Variants in EXOC4 observed in about 807,000 individuals in gnomAD.
The protein encoded by EXOC4 is SEC8-like 1.
Under a neutral mutation model 107.2 loss-of-function variants are expected in EXOC4, and 71 were observed. That is an observed-to-expected ratio of 0.66 (90% CI 0.55 to 0.81). The LOEUF (loss-of-function observed/expected upper bound fraction) is 0.81. EXOC4 is among the 30% of genes least tolerant of loss of function. The pLI is 0.00. For missense variants in EXOC4, 1,108 were observed against 1,189.6 expected (o/e 0.93, Z 1.01); for synonymous variants, 456 against 441.2 (o/e 1.03, Z -0.42).
chr7:133,347,472 G>A (rs1445814841), intron 5 of EXOC4, among the ~76,000 whole-genome samples: 2 of 152,110 alleles, frequency 1.3e-5, no homozygotes, highest in Admixed American at 1.3e-4. Flanking sequence ...TCGATCTCTT[G>A]ACCTCTTGAT....
At chr7:133,807,628 C>T (rs913566289) in intron 10 of EXOC4, among the ~76,000 whole-genome samples, 13 of 151,876 alleles carry the variant, frequency 8.6e-5, no homozygotes, top group African/African-American at 2.4e-4. Context: ...GGGTATTTAC[C>T]GTAAGATAAA....
intron 2 of EXOC4, among the ~76,000 whole-genome samples, chr7:133,280,260 G>T (rs1158087475): frequency 1.3e-5 from 2 of 152,212 alleles, no homozygotes; most frequent in Non-Finnish European, 2.9e-5. Flanking sequence ...ACTTTTGAAT[G>T]CATTGTACAA....
intron 10 of EXOC4, among the ~76,000 whole-genome samples, chr7:133,810,467 G>T (rs1797194769): frequency 6.6e-6 from 1 of 152,124 alleles, no homozygotes; most frequent in Admixed American, 6.5e-5. Context: ...CTGCAAGAAA[G>T]TAAATTCAAC....
At chr7:133,508,212 A>G (rs912667484) in intron 9 of EXOC4, among the ~76,000 whole-genome samples, 1 of 152,210 alleles carries the variant, frequency 6.6e-6, no homozygotes, top group Non-Finnish European at 1.5e-5. Flanking sequence ...AATGAAAGAA[A>G]TGAAATATGA....
At chr7:133,585,530 G>A (rs1449622315) in intron 9 of EXOC4, among the ~76,000 whole-genome samples, 2 of 152,000 alleles carry the variant, frequency 1.3e-5, no homozygotes. Flanking sequence ...GGAAGGCTGG[G>A]TGGAAGGATC....
intron 7 of EXOC4, among the ~76,000 whole-genome samples, chr7:133,461,007 G>C (rs940282432): frequency 6.6e-6 from 1 of 152,110 alleles, no homozygotes; most frequent in African/African-American, 2.4e-5. Flanking sequence ...GGTCCTCTAG[G>C]AATTTAAAAG....
At chr7:134,083,547 G>T in the EXOC4 span, among the ~76,000 whole-genome samples, 4 of 152,266 alleles carry the variant, frequency 2.6e-5, no homozygotes, top group Admixed American at 2.6e-4. Context: ...TGCTACCTGG[G>T]CCAGTCTGGA....
chr7:133,783,498 A>G (rs936588356), intron 10 of EXOC4, among the ~76,000 whole-genome samples: 1 of 152,202 alleles, frequency 6.6e-6, no homozygotes, highest in African/African-American at 2.4e-5. Flanking sequence ...CAATGAATTT[A>G]ATATGATTCC....
At chr7:133,811,063 T>C (rs1797217216) in intron 10 of EXOC4, among the ~76,000 whole-genome samples, 1 of 152,180 alleles carries the variant, frequency 6.6e-6, no homozygotes, top group African/African-American at 2.4e-5. Flanking sequence ...CAAAATCCTG[T>C]GATGAGACGC....
At chr7:133,864,298 G>A (rs1379959102) in intron 11 of EXOC4, among the ~76,000 whole-genome samples, 1 of 152,130 alleles carries the variant, frequency 6.6e-6, no homozygotes, top group Non-Finnish European at 1.5e-5. Flanking sequence ...CTTCTATTTG[G>A]TAGAGAGGAA....
intron 13 of EXOC4, among the ~76,000 whole-genome samples, chr7:133,933,834 G>C (rs1243525616): frequency 2.0e-5 from 3 of 152,178 alleles, no homozygotes; most frequent in African/African-American, 4.8e-5. Context: ...GTGCCCATTT[G>C]AAAGTTCTCT....
the EXOC4 span, among the ~76,000 whole-genome samples, chr7:134,074,264 C>T: frequency 6.6e-6 from 1 of 152,338 alleles, no homozygotes; most frequent in East Asian, 1.9e-4. Flanking sequence ...AAACAATAGG[C>T]TGCTGGAGGG....
intron 14 of EXOC4, among the ~76,000 whole-genome samples, chr7:133,942,597 G>C (rs1585265946): frequency 1.3e-5 from 2 of 152,230 alleles, no homozygotes; most frequent in African/African-American, 4.8e-5. Flanking sequence ...GTCTCAGGGT[G>C]GTTATATCAC....
the EXOC4 span, among the ~76,000 whole-genome samples, chr7:134,095,399 A>G: frequency 6.6e-6 from 1 of 152,214 alleles, no homozygotes; most frequent in African/African-American, 2.4e-5. Flanking sequence ...TACTTTCCAG[A>G]GCAATCTACA....
intron 7 of EXOC4, among the ~76,000 whole-genome samples, chr7:133,386,873 C>T (rs1796739318): frequency 6.6e-6 from 1 of 151,034 alleles, no homozygotes; most frequent in African/African-American, 2.4e-5. Context: ...CTCAGTTGTT[C>T]TGGTAAAGAG....
intron 7 of EXOC4, among the ~76,000 whole-genome samples, chr7:133,396,719 A>AGC (rs1343930650): frequency 3.9e-5 from 6 of 152,176 alleles, no homozygotes; most frequent in African/African-American, 1.4e-4. Flanking sequence ...TTGATTCGTT[A>AGC]GATGACTATA....
intron 9 of EXOC4, chr7:133,602,098 G>A (rs535895582): frequency 5.9e-5 from 9 of 152,308 alleles, no homozygotes; most frequent in African/African-American, 2.2e-4. Context: ...GTGTATGTTT[G>A]TAAAAATATA....
At chr7:133,907,620 C>T (rs551957433) in intron 12 of EXOC4, among the ~76,000 whole-genome samples, 14 of 152,232 alleles carry the variant, frequency 9.2e-5, no homozygotes, top group African/African-American at 3.1e-4. Flanking sequence ...GGTGGATCAC[C>T]TTGAGGTCAG....
chr7:133,616,162 A>G (rs1039199224), intron 9 of EXOC4, among the ~76,000 whole-genome samples: 1 of 152,152 alleles, frequency 6.6e-6, no homozygotes, highest in African/African-American at 2.4e-5. Context: ...TTTATTATGC[A>G]TATATAAGTT....
Sources: gnomAD v4.1 joint callset for allele counts (sites outside exome capture counted in the v4.1 genomes callset) on GRCh38, gnomAD v4.1.1 for gene constraint, MANE v1.5 for transcripts, NCBI Gene and HGNC (gene_info 2026-07-23, HGNC 2026-07-21) for gene names.